TPST2: variants seen among roughly 807,000 people sequenced by gnomAD.
The protein encoded by TPST2 is protein-tyrosine sulfotransferase 2.
Under a neutral mutation model 27.8 loss-of-function variants are expected in TPST2, and 16 were observed. The observed-to-expected ratio is 0.58, with a 90% CI of 0.39 to 0.88. The LOEUF (loss-of-function observed/expected upper bound fraction) is 0.88. Ranked by LOEUF, TPST2 falls within the 40% of genes least tolerant of loss-of-function variation. The probability of loss-of-function intolerance (pLI) is 0.00; values close to 1 mark genes in which losing one functional copy is unlikely to be tolerated. For missense variants in TPST2, 464 were observed against 543.1 expected, an observed-to-expected ratio of 0.85 and a Z score of 1.45; for synonymous variants, 229 against 231.7, an observed-to-expected ratio of 0.99 and a Z score of 0.10.
chr22:26,560,856 C>T (rs1927050879), intron 1 of TPST2: 1 of 1,590,836 alleles, frequency 6.3e-7, no homozygotes, highest in Non-Finnish European at 8.6e-7. Flanking sequence ...TGCGTATCGC[C>T]CAAAAATCAA....
At chr22:26,561,198 A>G (rs954847029) in intron 1 of TPST2, 78 of 1,560,620 alleles carry the variant, frequency 5.0e-5, no homozygotes, top group Non-Finnish European at 6.4e-5. Context: ...CTTGTCTATA[A>G]AGCATTTAAC....
intron 1 of TPST2, among the ~76,000 whole-genome samples, chr22:26,547,140 T>C (rs770882281): frequency 6.6e-6 from 1 of 152,044 alleles, no homozygotes; most frequent in East Asian, 1.9e-4. Context: ...CAGGCTGGAG[T>C]GCAGTGGCAT....
rs752920370 is a variant in TPST2 at position 26,525,927 on chromosome 22, C to G, written c.*348G>C. On this transcript the variant is annotated 3_prime_UTR_variant, in exon 7 of 7. Coordinates refer to ENST00000338754, the MANE Select transcript of TPST2 (RefSeq NM_003595.5). ...AATAGGAGAGGCACAGGTTGTGGGCCTTGTCCCAGCAAACAAAGCCACCAA... is the reference window on the plus strand; with the variant it reads ...AATAGGAGAGGCACAGGTTGTGGGCGTTGTCCCAGCAAACAAAGCCACCAA... The G allele has an allele frequency of 6.6e-6, 1 of 152,174 alleles. No homozygotes were observed. 9.4% of individuals were successfully genotyped at this position (152,174 alleles called of 1,614,324 possible).
chr22:26,576,026 A>C (rs1031487321), intron 1 of TPST2, among the ~76,000 whole-genome samples: 1 of 150,902 alleles, frequency 6.6e-6, no homozygotes, highest in African/African-American at 2.4e-5. Flanking sequence ...TAAATAAAAA[A>C]TAAATAAATA....
chr22:26,587,739 AC>A (rs956807396), intron 1 of TPST2, among the ~76,000 whole-genome samples: 4 of 152,268 alleles, frequency 2.6e-5, no homozygotes, highest in African/African-American at 9.6e-5. Context: ...GAACCCTCAT[AC>A]ACTGGTGGTA....
At chr22:26,537,689 G>C (rs769666051) in intron 3 of TPST2, among the ~76,000 whole-genome samples, 3 of 152,102 alleles carry the variant, frequency 2.0e-5, no homozygotes, top group Non-Finnish European at 2.9e-5. Context: ...CTGACCTCAA[G>C]TGATCTGCCC....
intron 1 of TPST2, among the ~76,000 whole-genome samples, chr22:26,546,572 C>A (rs927216828): frequency 2.0e-5 from 3 of 152,246 alleles, no homozygotes; most frequent in African/African-American, 2.4e-5. Flanking sequence ...CCTTTCAGAG[C>A]AATGGAACAG....
At chr22:26,589,097 A>T (rs1478047159) in intron 1 of TPST2, among the ~76,000 whole-genome samples, 3 of 152,152 alleles carry the variant, frequency 2.0e-5, no homozygotes, top group Non-Finnish European at 4.4e-5. Flanking sequence ...AAGGACATTA[A>T]GTCAGGAGGC....
chr22:26,578,439 G>A (rs1231805462), intron 1 of TPST2, among the ~76,000 whole-genome samples: 2 of 152,172 alleles, frequency 1.3e-5, no homozygotes, highest in Non-Finnish European at 2.9e-5. Flanking sequence ...ACAGCAACCT[G>A]TGTTGAAGAA....
intron 1 of TPST2, among the ~76,000 whole-genome samples, chr22:26,561,550 A>C (rs1927096364): frequency 1.7e-5 from 1 of 57,270 alleles, no homozygotes; most frequent in Non-Finnish European, 4.0e-5. Context: ...TAATTGCAAA[A>C]AGAAAAAGTT....
Position 26,561,191 on chromosome 22 carries a change from G to A in TPST2, c.-160-16516C>T, listed in dbSNP as rs530492067. 10 of 1,567,428 alleles carry A rather than the reference G, an allele frequency of 6.4e-6. No individual in the cohort carries two copies. In the South Asian group the frequency reaches 1.1e-4, roughly 17 times the overall value. On this transcript the variant is annotated intron_variant, in intron 1 of 6. Coordinates refer to ENST00000338754, the MANE Select transcript of TPST2 (RefSeq NM_003595.5). ...GTTCTAGCGCAGTTTTTTTTTTCTT[G>A]TCTATAAAGCATTTAACCCCCCTGT...
intron 1 of TPST2, among the ~76,000 whole-genome samples, chr22:26,577,265 TAAAA>T (rs35985150): frequency 7.8e-6 from 1 of 127,574 alleles, no homozygotes; most frequent in Non-Finnish European, 1.6e-5. Context: ...ACCCTGTCTT[TAAAA>T]AAAAAAAAAA....
At position 26,541,672 on chromosome 22, in the gene TPST2, T is replaced by G; in HGVS notation, c.-42A>C. On this transcript the variant is annotated 5_prime_UTR_variant, in exon 3 of 7. Coordinates refer to ENST00000338754, the MANE Select transcript of TPST2 (RefSeq NM_003595.5). The surrounding 1 kb of genome is among the most constrained non-coding windows in gnomAD (Gnocchi z 5.9). ...GGTAGGCCTGGCCTGAGGGCCCGCTTCTGGGGCTTCAGCGACAGGTTAGCG... is the reference window on the plus strand; with the variant it reads ...GGTAGGCCTGGCCTGAGGGCCCGCTGCTGGGGCTTCAGCGACAGGTTAGCG... 3 of 1,512,090 alleles carry G rather than the reference T, an allele frequency of 2.0e-6. No homozygotes were observed. The highest frequency in any genetic ancestry group is 2.6e-6 in the Non-Finnish European group (3 of 1,137,314). The allele number at this position is 1,512,090 out of a possible 1,614,324, so 93.7% of individuals were successfully genotyped here. A position where few individuals can be genotyped will look rare whatever the true frequency, so the allele number is the denominator to read the frequency against.
At chr22:26,529,648 G>A (rs893620251) in intron 5 of TPST2, among the ~76,000 whole-genome samples, 2 of 152,208 alleles carry the variant, frequency 1.3e-5, no homozygotes, top group Non-Finnish European at 2.9e-5. Context: ...GTGTCATGCC[G>A]GGAAAGGGCA....
chr22:26,556,904 G>A (rs921012966), intron 1 of TPST2, among the ~76,000 whole-genome samples: 1 of 152,190 alleles, frequency 6.6e-6, no homozygotes, highest in Non-Finnish European at 1.5e-5. Context: ...AGCATGGTTT[G>A]CATGTTCTGA....
chr22:26,543,953 C>A (rs1246852575), intron 2 of TPST2, among the ~76,000 whole-genome samples: 1 of 152,192 alleles, frequency 6.6e-6, no homozygotes, highest in Non-Finnish European at 1.5e-5. Flanking sequence ...GAGGGCCCAG[C>A]CCAGGGAACT....
Position 26,544,646 on chromosome 22 carries a change from T to C in TPST2, c.-131A>G, listed in dbSNP as rs771788195. On this transcript the variant is annotated 5_prime_UTR_variant, in exon 2 of 7. Transcript: ENST00000338754. ...ATCTCTGGGCTCCAGCCCTTGTGCC[T>C]GTGTGCCAAGGCTGTCTGCTGGCAG... 5 of 985,832 alleles carry C rather than the reference T, an allele frequency of 5.1e-6. No individual in the cohort carries two copies. The highest frequency in any genetic ancestry group is 5.2e-4 in the Middle Eastern group (1 of 1,936). The allele number at this position is 985,832 out of a possible 1,614,324, so 61.1% of individuals were successfully genotyped here. A position where few individuals can be genotyped will look rare whatever the true frequency, so the allele number is the denominator to read the frequency against.
rs534374648 is a variant in TPST2 at position 26,546,284 on chromosome 22, C to A, written c.-160-1609G>T. 2.0e-5 allele frequency among the ~76,000 whole-genome samples: 3 copies of A among 152,130 alleles called. No individual in the cohort carries two copies. The East Asian group carries it at 5.8e-4, about 29-fold the overall frequency. ...GATGGAAAAGGGAACCAAGGTGTAACCACAGCAACTAGACCCCCCCACAGC... is the reference window on the plus strand; with the variant it reads ...GATGGAAAAGGGAACCAAGGTGTAAACACAGCAACTAGACCCCCCCACAGC... On this transcript the variant is annotated intron_variant, in intron 1 of 6. Coordinates refer to ENST00000338754, the MANE Select transcript of TPST2 (RefSeq NM_003595.5).
intron 1 of TPST2, chr22:26,560,959 A>G (rs763237058): frequency 3.1e-6 from 5 of 1,610,038 alleles, no homozygotes; most frequent in Non-Finnish European, 4.2e-6. Context: ...CAGCCTTATG[A>G]AAAGAAGGCT....
Sources: gnomAD v4.1 joint callset for allele counts (sites outside exome capture counted in the v4.1 genomes callset) on GRCh38, gnomAD v4.1.1 for gene constraint, Gnocchi (gnomAD v3.1) non-coding constraint, MANE v1.5 for transcripts, NCBI Gene and HGNC (gene_info 2026-07-23, HGNC 2026-07-21) for gene names.